Variants in SPC24 observed in about 807,000 individuals in gnomAD.
SPC24 encodes the protein kinetochore protein Spc24.
A neutral mutation model predicts 27.6 loss-of-function variants in SPC24; 31 were observed. The observed-to-expected ratio is 1.12, with a 90% confidence interval of 0.84 to 1.52. SPC24 has a LOEUF of 1.52. SPC24 is among the 40% of genes most tolerant of loss of function. SPC24 has a pLI of 0.00. For missense variants in SPC24, 284 were observed against 252.5 expected (o/e 1.12, Z -0.84); for synonymous variants, 105 against 105.8 (o/e 0.99, Z 0.05).
intron 2 of SPC24, 103 bp from the exon 3 acceptor site, chr19:11,148,220 T>A (rs2077844438): frequency 1.4e-6 from 1 of 725,954 alleles, no homozygotes. Context: ...GCACACTCTC[T>A]TCTTTGAGTC....
chr19:11,151,150 C>T (rs191081125), intron 1 of SPC24, among the ~76,000 whole-genome samples: 1,553 of 119,516 alleles, frequency 0.013, 11 homozygotes, highest in Middle Eastern at 0.036. Context: ...GCGACAGAGC[C>T]AGACTCCGTC....
chr19:11,148,341 G>T (rs1467927960), intron 2 of SPC24, among the ~76,000 whole-genome samples: 1 of 151,960 alleles, frequency 6.6e-6, no homozygotes, highest in Non-Finnish European at 1.5e-5. Context: ...CCGAGTAGCT[G>T]GGATTACAAG....
At chr19:11,149,985 C>T (rs2077858094) in intron 1 of SPC24, among the ~76,000 whole-genome samples, 1 of 151,588 alleles carries the variant, frequency 6.6e-6, no homozygotes, top group Non-Finnish European at 1.5e-5. Flanking sequence ...GCTGGGATTA[C>T]AGGCGTGAGC....
chr19:11,146,730 T>C lies in SPC24; in HGVS notation c.*453A>G, dbSNP rs1345277209. 2.1e-5 allele frequency: 3 copies of C among 142,194 alleles called. No homozygotes were observed. The highest frequency in any genetic ancestry group is 8.1e-5 in the African/African-American group (3 of 37,134). The allele number at this position is 142,194 out of a possible 1,614,324, so 8.8% of individuals were successfully genotyped here. ...TTGCAGTGAGCTGAGATCGCACCACTGCACTCCAGCCTGGGCGACAGAGTG... is the reference window on the plus strand; with the variant it reads ...TTGCAGTGAGCTGAGATCGCACCACCGCACTCCAGCCTGGGCGACAGAGTG... On this transcript the variant is annotated 3_prime_UTR_variant, in exon 5 of 5. Transcript: ENST00000592540.
chr19:11,147,780 A>T, intron 4 of SPC24, 38 bp downstream of exon 4: 1 of 1,508,786 alleles, frequency 6.6e-7, no homozygotes, highest in Non-Finnish European at 9.2e-7. Flanking sequence ...CCCTACCTAC[A>T]GTGCACAAGG....
Position 11,155,763 on chromosome 19 carries a change from C to G in SPC24, c.14G>C (p.Arg5Pro). 1 of 1,543,766 alleles carries G rather than the reference C, an allele frequency of 6.5e-7. No homozygotes were observed. Among genetic ancestry groups the G allele is most frequent in the Non-Finnish European group, 8.7e-7 (1 of 1,151,240 alleles). The change falls in exon 1 of 5, where the codon CGC becomes CCC. Residue 5 changes from arginine (R) to proline (P), a missense_variant. By Grantham distance (103) the Arg-to-Pro change is moderately radical. Coordinates refer to ENST00000592540, the MANE Select transcript of SPC24 (RefSeq NM_182513.4). MAAFRDIEEVSQGLL... is the reference protein window; with the variant it reads MAAFPDIEEVSQGLL... ...CCCCTGGCTCACCTCCTCTATGTCG[C>G]GGAAGGCGGCCATGACTACGCCAGG...
chr19:11,147,533 T>A, intron 4 of SPC24: 1 of 567,552 alleles, frequency 1.8e-6, no homozygotes, highest in Non-Finnish European at 3.1e-6. Flanking sequence ...GCCTCAGGTC[T>A]TCTGCCCACC....
Position 11,147,080 on chromosome 19 carries a change from CAAAA to C in SPC24, c.*99_*102del, listed in dbSNP as rs71164155. 312 of 396,660 alleles carry C rather than the reference CAAAA, an allele frequency of 7.9e-4. No individual in the cohort carries two copies. The highest frequency in any genetic ancestry group is 9.4e-4 in the Admixed American group (22 of 23,366). The allele number at this position is 396,660 out of a possible 1,614,324, so 24.6% of individuals were successfully genotyped here. On this transcript the variant is annotated 3_prime_UTR_variant, in exon 5 of 5. Transcript: ENST00000592540. ...GGACAACAAGAGTGAAACTCTGTCT[CAAAA>C]AAAAAAAAAAAAAGATCTATGTCCC... is the stretch of plus-strand genomic sequence containing the variant.
In SPC24 at chr19:11,149,068, G is replaced by A. The variant is rs111370680; in HGVS notation, c.305+26C>T. 10 of 1,475,464 alleles carry A rather than the reference G, an allele frequency of 6.8e-6. No individual in the cohort carries two copies. The East Asian group carries it at 2.6e-4, about 38-fold the overall frequency. The allele number at this position is 1,475,464 out of a possible 1,614,324, so 91.4% of individuals were successfully genotyped here. A position where few individuals can be genotyped will look rare whatever the true frequency, so the allele number is the denominator to read the frequency against. On this transcript the variant is annotated intron_variant, in intron 2 of 4. Transcript: ENST00000592540. ...GGCCCTATGCGTGTTTTCTAGCAAG[G>A]CTGATCCCCTAGCAGAAAAGGATAT...
rs560930315 is a variant in SPC24 at position 11,149,193 on chromosome 19, G to T, written c.206C>A (p.Ala69Glu). The change falls in exon 2 of 5, where the codon GCG (alanine) becomes GAG (glutamate). Residue 69 changes from alanine (A) to glutamate (E), a missense_variant. Transcript: ENST00000592540. ...GCCTCCCTGGTGCACCTGCTCCTTC[G>T]CATTGAGAAGGCTCTGGGCCACTTC... is the stretch of plus-strand genomic sequence containing the variant. ...EKEVAQSLLN[A>E]KEQVHQGGVE... The T allele has an allele frequency of 2.6e-5, 40 of 1,550,538 alleles. No homozygotes were observed. In the African/African-American group the frequency reaches 3.8e-4, roughly 15 times the overall value.
chr19:11,148,050 C>T lies in SPC24; in HGVS notation c.373G>A (p.Val125Ile). The T allele has an allele frequency of 1.9e-6, 3 of 1,613,910 alleles. No individual in the cohort carries two copies. The highest frequency in any genetic ancestry group is 2.5e-6 in the Non-Finnish European group (3 of 1,179,884). ...EADLERQEKE[V>I]DEDTTVTIPS... The stretch of plus-strand genomic sequence containing the variant: ...ATTGTGACTGTCGTGTCCTCGTCGA[C>T]CTCCTTCTCCTGTCGCTCCAGATCC... The change falls in exon 3 of 5, where the codon GTC (valine) becomes ATC (isoleucine). Residue 125 changes from valine to isoleucine, a missense_variant. Transcript: ENST00000592540.
intron 1 of SPC24, among the ~76,000 whole-genome samples, chr19:11,154,581 T>C (rs1224069196): frequency 6.6e-6 from 1 of 152,098 alleles, no homozygotes; most frequent in African/African-American, 2.4e-5. Context: ...ATACAGGCTA[T>C]GACATGGATG....
At chr19:11,151,829 A>G (rs1449042109) in intron 1 of SPC24, among the ~76,000 whole-genome samples, 1 of 144,134 alleles carries the variant, frequency 6.9e-6, no homozygotes, top group African/African-American at 2.6e-5. Context: ...AGGCTGGTCT[A>G]GAATTCCTGA....
chr19:11,153,930 C>T (rs1316386795), intron 1 of SPC24, among the ~76,000 whole-genome samples: 16 of 150,988 alleles, frequency 1.1e-4, no homozygotes, highest in East Asian at 5.9e-4. Context: ...AAATATTAGC[C>T]GGGCGTGGTG....
In SPC24 at chr19:11,147,755, T is replaced by C. The variant is rs11881058; in HGVS notation, c.487+63A>G. The C allele has an allele frequency of 0.07, 99,803 of 1,432,702 alleles. 3,793 individuals carry two copies. Among genetic ancestry groups the C allele is most frequent in the Non-Finnish European group, 0.078 (81,136 of 1,034,704 alleles). 88.7% of individuals were successfully genotyped at this position (1,432,702 alleles called of 1,614,324 possible). The stretch of plus-strand genomic sequence containing the variant: ...GGCTAATTTTTACAGGGTCCTGCTA[T>C]GCACCATTTTATGTCCCTACCTACA... On this transcript the variant is annotated intron_variant, in intron 4 of 4. Transcript: ENST00000592540.
At position 11,155,570 on chromosome 19, in the gene SPC24, C is replaced by G. The variant is rs1304631957; in HGVS notation, c.160+47G>C. ...TGGGCCTGGTCGCCCCCTCCCAGCA[C>G]CCGGGCCCCTTCCCCCGTGGGCCCG... On this transcript the variant is annotated intron_variant, in intron 1 of 4. Coordinates refer to ENST00000592540, the MANE Select transcript of SPC24 (RefSeq NM_182513.4). 6 of 1,519,138 alleles carry G rather than the reference C, an allele frequency of 3.9e-6. No homozygotes were observed. The East Asian group carries it at 7.6e-5, about 19-fold the overall frequency. The allele number at this position is 1,519,138 out of a possible 1,614,324, so 94.1% of individuals were successfully genotyped here.
intron 1 of SPC24, among the ~76,000 whole-genome samples, chr19:11,151,293 T>C (rs1209953378): frequency 2.0e-5 from 3 of 151,944 alleles, no homozygotes; most frequent in Non-Finnish European, 2.9e-5. Context: ...CACACCCTTC[T>C]CCAAGCCTCT....
chr19:11,151,767 G>C (rs1030539150), intron 1 of SPC24, among the ~76,000 whole-genome samples: 1 of 151,600 alleles, frequency 6.6e-6, no homozygotes, highest in Non-Finnish European at 1.5e-5. Flanking sequence ...CCACCACCAC[G>C]CCTGGCTAAT....
chr19:11,155,326 C>A (rs908824503), intron 1 of SPC24, among the ~76,000 whole-genome samples: 4 of 152,092 alleles, frequency 2.6e-5, no homozygotes, highest in African/African-American at 7.2e-5. Context: ...CTCCTGAGCC[C>A]CAGTTCAAAC....
Sources: allele counts gnomAD v4.1 joint callset (sites outside exome capture counted in the v4.1 genomes callset), GRCh38; gene constraint gnomAD v4.1.1; transcripts MANE v1.5; gene names NCBI Gene and HGNC (gene_info 2026-07-23, HGNC 2026-07-21).